Variants in DLG2 observed in about 807,000 individuals in gnomAD.
The protein encoded by DLG2 is discs large MAGUK scaffold protein 2, also known as disks large homolog 2.
In DLG2, 45 loss-of-function variants were observed where a neutral mutation model predicts 132.5. That is an observed-to-expected ratio of 0.34 (90% CI 0.27 to 0.44). The LOEUF is 0.44. Ranked by LOEUF, DLG2 falls within the 20% of genes least tolerant of loss-of-function variation. The probability of loss-of-function intolerance (pLI) is 1.00; values close to 1 mark genes in which losing one functional copy is unlikely to be tolerated. For missense variants in DLG2, 1,045 were observed against 1,196.9 expected (o/e 0.87, Z 1.87); for synonymous variants, 424 against 419.6 (o/e 1.01, Z -0.13).
chr11:84,480,802 C>A lies in DLG2; in HGVS notation c.519+53768G>T, dbSNP rs149530135. Among the ~76,000 whole-genome samples, 1,025 of 148,284 alleles carry A rather than the reference C, an allele frequency of 6.9e-3. 14 individuals are homozygous for A. Among genetic ancestry groups the A allele is most frequent in the African/African-American group, 0.023 (915 of 39,938 alleles). On this transcript the variant is annotated intron_variant, in intron 7 of 27. Coordinates refer to ENST00000376104, the MANE Select transcript of DLG2 (RefSeq NM_001142699.3). ...ATGGGGTCTCACTCTGCTGCTCAGG[C>A]TGGAGTGCAATCGCATGATCTCACC...
intron 18 of DLG2, among the ~76,000 whole-genome samples, chr11:83,656,403 C>T (rs2072469623): frequency 6.6e-6 from 1 of 152,302 alleles, no homozygotes; most frequent in Middle Eastern, 3.4e-3. Context: ...CTCCAGCAAT[C>T]TTAGCCTCTG....
At chr11:85,599,685 A>T (rs2080018434) in intron 2 of DLG2, among the ~76,000 whole-genome samples, 1 of 152,184 alleles carries the variant, frequency 6.6e-6, no homozygotes, top group Admixed American at 6.5e-5. Context: ...CTTCATTCAG[A>T]TCTAACTCAA....
chr11:85,096,894 CCT>C (rs1311589696), intron 6 of DLG2, among the ~76,000 whole-genome samples: 1 of 152,110 alleles, frequency 6.6e-6, no homozygotes, highest in Admixed American at 6.6e-5. Context: ...TCTAACAACC[CCT>C]GATTTGGTTT....
At chr11:85,315,958 T>G (rs1286115593) in intron 3 of DLG2, among the ~76,000 whole-genome samples, 2 of 152,022 alleles carry the variant, frequency 1.3e-5, no homozygotes, top group African/African-American at 4.8e-5. Flanking sequence ...CTCCCTCACC[T>G]GAATTATCTG....
intron 6 of DLG2, among the ~76,000 whole-genome samples, chr11:84,848,895 C>A (rs555670617): frequency 5.3e-4 from 80 of 152,316 alleles, no homozygotes; most frequent in Admixed American, 2.3e-3. Flanking sequence ...TTTTTCCACA[C>A]TGACTCAGGA....
At chr11:85,274,533 A>T (rs1316239799) in intron 4 of DLG2, among the ~76,000 whole-genome samples, 1 of 152,220 alleles carries the variant, frequency 6.6e-6, no homozygotes, top group Non-Finnish European at 1.5e-5. Flanking sequence ...GTAAAGAAGT[A>T]TCATAAAATA....
intron 7 of DLG2, among the ~76,000 whole-genome samples, chr11:84,510,246 G>A (rs1474980277): frequency 6.6e-6 from 1 of 151,842 alleles, no homozygotes; most frequent in Non-Finnish European, 1.5e-5. Flanking sequence ...AACATTTGAT[G>A]AGTAACTATG....
intron 6 of DLG2, among the ~76,000 whole-genome samples, chr11:85,073,560 C>T (rs2066146571): frequency 6.6e-6 from 1 of 151,752 alleles, no homozygotes; most frequent in African/African-American, 2.4e-5. Flanking sequence ...TTGCTTTCAG[C>T]CTTTCACTAG....
In DLG2 at chr11:83,699,323, C is replaced by T. The variant is rs1456794021; in HGVS notation, c.1826-65998G>A. The stretch of plus-strand genomic sequence containing the variant: ...CTATGGCACAATTCACATTGGGCTA[C>T]TCCACACTTGTAAGAAAGAATGGAG... On this transcript the variant is annotated intron_variant, in intron 18 of 27. Coordinates refer to ENST00000376104, the MANE Select transcript of DLG2 (RefSeq NM_001142699.3). Among the ~76,000 whole-genome samples the T allele has an allele frequency of 2.0e-5, 3 of 152,124 alleles. No homozygotes were observed. The East Asian group carries it at 5.8e-4, about 29-fold the overall frequency.
chr11:85,025,224 T>C (rs1279800181), intron 6 of DLG2, among the ~76,000 whole-genome samples: 3 of 152,152 alleles, frequency 2.0e-5, no homozygotes, highest in Non-Finnish European at 2.9e-5. Context: ...TTTGAGTACA[T>C]AGGGAATGCT....
At chr11:85,450,987 A>T (rs191900847) in intron 3 of DLG2, among the ~76,000 whole-genome samples, 268 of 152,190 alleles carry the variant, frequency 1.8e-3, no homozygotes, top group African/African-American at 5.3e-3. Context: ...GACCACTTCC[A>T]TGACTTTATA....
At chr11:85,470,048 C>T (rs986475479) in intron 3 of DLG2, among the ~76,000 whole-genome samples, 2 of 152,044 alleles carry the variant, frequency 1.3e-5, no homozygotes, top group Non-Finnish European at 1.5e-5. Flanking sequence ...CCATCACTCA[C>T]TCCTATCCAT....
At position 85,017,578 on chromosome 11, in the gene DLG2, G is replaced by A. The variant is rs941145244; in HGVS notation, c.357+94083C>T. On this transcript the variant is annotated intron_variant, in intron 6 of 27. Transcript: ENST00000376104. ...AACAGGATCATTTCTAGAGGCTTCC[G>A]CCTTTATGCTATCACTAACCGGAAT... Among the ~76,000 whole-genome samples, 13 of 152,202 alleles carry A rather than the reference G, an allele frequency of 8.5e-5. No homozygotes were observed. In the South Asian group the frequency reaches 1.4e-3, roughly 17 times the overall value.
chr11:83,702,028 T>C (rs1027020042), intron 18 of DLG2, among the ~76,000 whole-genome samples: 3 of 152,238 alleles, frequency 2.0e-5, no homozygotes, highest in African/African-American at 7.2e-5. Flanking sequence ...TTTTGTGCTT[T>C]CTTTGTCAGC....
chr11:85,170,711 G>A (rs1017486703), intron 4 of DLG2, among the ~76,000 whole-genome samples: 1 of 152,116 alleles, frequency 6.6e-6, no homozygotes, highest in African/African-American at 2.4e-5. Context: ...ACAGCTGTAC[G>A]TAAAGAAAGG....
chr11:85,336,791 T>A (rs1318001126), intron 3 of DLG2, among the ~76,000 whole-genome samples: 1 of 152,210 alleles, frequency 6.6e-6, no homozygotes, highest in African/African-American at 2.4e-5. Context: ...AATTTTGGTC[T>A]TATGACCACT....
intron 6 of DLG2, among the ~76,000 whole-genome samples, chr11:84,721,657 T>C (rs1488448818): frequency 2.0e-5 from 3 of 152,072 alleles, no homozygotes; most frequent in Admixed American, 6.5e-5. Context: ...TGGGTAAAAC[T>C]AGCACTCTTT....
intron 18 of DLG2, 97 bp from the exon 19 acceptor site, chr11:83,633,422 C>A (rs1227063616): frequency 2.1e-6 from 2 of 934,256 alleles, no homozygotes; most frequent in African/African-American, 3.3e-5. Flanking sequence ...GTTGTTGGTT[C>A]CTTTGCCAAA....
chr11:85,583,507 A>C (rs942889734), intron 3 of DLG2, among the ~76,000 whole-genome samples: 1 of 151,962 alleles, frequency 6.6e-6, no homozygotes, highest in Admixed American at 6.6e-5. Context: ...TCTATATGGT[A>C]TATCTGTAGG....
Sources: allele counts gnomAD v4.1 joint callset (sites outside exome capture counted in the v4.1 genomes callset), GRCh38; gene constraint gnomAD v4.1.1; transcripts MANE v1.5; gene names NCBI Gene and HGNC (gene_info 2026-07-23, HGNC 2026-07-21).